Variants in TSHZ2 observed in about 807,000 individuals in gnomAD.
The protein encoded by TSHZ2 is teashirt homolog 2.
A neutral mutation model predicts 74.4 loss-of-function variants in TSHZ2; 21 were observed. The observed-to-expected ratio is 0.28, with a 90% confidence interval of 0.20 to 0.41. TSHZ2 has a LOEUF of 0.41. Ranked by LOEUF, TSHZ2 falls within the 10% of genes least tolerant of loss-of-function variation. TSHZ2 has a pLI of 1.00. For synonymous variants in TSHZ2, 540 were observed against 515.3 expected, an observed-to-expected ratio of 1.05 and a Z score of -0.65; for missense variants, 1,244 against 1,293.5, an observed-to-expected ratio of 0.96 and a Z score of 0.59.
At chr20:53,321,874 G>A (rs1600809507) in intron 2 of TSHZ2, among the ~76,000 whole-genome samples, 1 of 152,198 alleles carries the variant, frequency 6.6e-6, no homozygotes, top group African/African-American at 2.4e-5. Flanking sequence ...CTCAAGAGAA[G>A]GCACAAGCCT....
chr20:53,133,154 C>T (rs888926362), intron 1 of TSHZ2, among the ~76,000 whole-genome samples: 1 of 152,202 alleles, frequency 6.6e-6, no homozygotes, highest in Admixed American at 6.5e-5. Flanking sequence ...ACACGTTAGA[C>T]TCCAACTTGC....
At chr20:53,000,496 T>C (rs1982370123) in intron 1 of TSHZ2, among the ~76,000 whole-genome samples, 2 of 152,212 alleles carry the variant, frequency 1.3e-5, no homozygotes, top group African/African-American at 4.8e-5. Flanking sequence ...GTAAAACTAA[T>C]ATATTAAAAC....
intron 2 of TSHZ2, among the ~76,000 whole-genome samples, chr20:53,331,790 G>T (rs1979732048): frequency 6.6e-6 from 1 of 152,128 alleles, no homozygotes; most frequent in Non-Finnish European, 1.5e-5. Flanking sequence ...GCATGTGAGA[G>T]AACCACAGGG....
chr20:53,273,389 G>A (rs965047722), intron 2 of TSHZ2: 2 of 152,382 alleles, frequency 1.3e-5, no homozygotes, highest in Non-Finnish European at 2.9e-5. Context: ...TGCCTCCTGG[G>A]TTCAAGTGAT....
At chr20:53,071,632 G>A (rs983783464) in intron 1 of TSHZ2, among the ~76,000 whole-genome samples, 1 of 152,110 alleles carries the variant, frequency 6.6e-6, no homozygotes, top group African/African-American at 2.4e-5. Flanking sequence ...TCTATCTCAC[G>A]GACCTACGTG....
chr20:53,380,841 A>T (rs1490741312), intron 2 of TSHZ2, among the ~76,000 whole-genome samples: 1 of 152,222 alleles, frequency 6.6e-6, no homozygotes, highest in East Asian at 1.9e-4. Flanking sequence ...TTAAAATAAT[A>T]ACTATTATCA....
chr20:53,030,499 G>A (rs1273571737), intron 1 of TSHZ2, among the ~76,000 whole-genome samples: 4 of 152,332 alleles, frequency 2.6e-5, no homozygotes, highest in Middle Eastern at 3.4e-3. Context: ...TTAGGTTGCT[G>A]TATGGAGTCT....
intron 1 of TSHZ2, among the ~76,000 whole-genome samples, chr20:53,220,303 C>T (rs1242249134): frequency 6.6e-6 from 1 of 152,152 alleles, no homozygotes. Flanking sequence ...GGAGCTAAGT[C>T]ACATACATAC....
intron 2 of TSHZ2, among the ~76,000 whole-genome samples, chr20:53,270,194 AG>A (rs890298697): frequency 6.6e-6 from 1 of 151,942 alleles, no homozygotes; most frequent in African/African-American, 2.4e-5. Context: ...CTCTCTTCTG[AG>A]GACATCTCCC....
At chr20:53,068,647 A>G (rs1985072692) in intron 1 of TSHZ2, among the ~76,000 whole-genome samples, 1 of 152,182 alleles carries the variant, frequency 6.6e-6, no homozygotes, top group Admixed American at 6.5e-5. Context: ...AGGTCCCAGC[A>G]AGGGGTCTCT....
chr20:53,277,513 T>A (rs776735254), intron 2 of TSHZ2, among the ~76,000 whole-genome samples: 5 of 151,842 alleles, frequency 3.3e-5, no homozygotes, highest in African/African-American at 4.8e-5. Context: ...GTTGGACTCA[T>A]GCACAGAGCA....
chr20:53,198,816 G>A (rs980245476), intron 1 of TSHZ2, among the ~76,000 whole-genome samples: 1 of 152,178 alleles, frequency 6.6e-6, no homozygotes, highest in African/African-American at 2.4e-5. Flanking sequence ...CCTTGGGCAT[G>A]TTAAGGCTTG....
intron 2 of TSHZ2, among the ~76,000 whole-genome samples, chr20:53,258,791 T>G (rs1209821060): frequency 6.6e-6 from 1 of 152,216 alleles, no homozygotes; most frequent in Non-Finnish European, 1.5e-5. Flanking sequence ...TATTGGTGTT[T>G]TCATTATACA....
intron 2 of TSHZ2, chr20:53,412,876 A>T: frequency 6.6e-6 from 1 of 152,224 alleles, no homozygotes; most frequent in Admixed American, 6.5e-5. Flanking sequence ...TGTTTCTGGA[A>T]AGACCTCCGA....
At chr20:53,129,362 T>A (rs948241824) in intron 1 of TSHZ2, among the ~76,000 whole-genome samples, 1 of 152,178 alleles carries the variant, frequency 6.6e-6, no homozygotes, top group African/African-American at 2.4e-5. Context: ...GATTGGTTAC[T>A]TTTTTAAAAA....
At chr20:53,337,234 C>T (rs528375035) in intron 2 of TSHZ2, among the ~76,000 whole-genome samples, 25 of 152,340 alleles carry the variant, frequency 1.6e-4, no homozygotes, top group African/African-American at 5.8e-4. Flanking sequence ...TGAAGATAAT[C>T]TCCTTTGCTT....
chr20:53,382,755 C>T (rs886473841), intron 2 of TSHZ2, among the ~76,000 whole-genome samples: 1 of 152,176 alleles, frequency 6.6e-6, no homozygotes, highest in Admixed American at 6.5e-5. Flanking sequence ...AACTGCTGCA[C>T]ATGTGACTGC....
Position 53,142,299 on chromosome 20 carries a change from GC to G in TSHZ2, c.41-111195del, listed in dbSNP as rs142850445. On this transcript the variant is annotated intron_variant, in intron 1 of 2. Transcript: ENST00000371497. ...TAGCTACACTCTCAGATCCTGTCCT[GC>G]CCCCAGCAGCTCCACAGGGCTTCCG... 6.6e-3 allele frequency among the ~76,000 whole-genome samples: 1,006 copies of G among 152,226 alleles called. 10 individuals carry two copies. The highest frequency in any genetic ancestry group is 0.022 in the African/African-American group (930 of 41,522).
At chr20:53,189,581 T>C (rs529707171) in intron 1 of TSHZ2, among the ~76,000 whole-genome samples, 1 of 152,190 alleles carries the variant, frequency 6.6e-6, no homozygotes, top group African/African-American at 2.4e-5. Context: ...ATAAGCACCA[T>C]ATTCAGACCA....
Sources: allele counts gnomAD v4.1 joint callset (sites outside exome capture counted in the v4.1 genomes callset), GRCh38; gene constraint gnomAD v4.1.1; transcripts MANE v1.5; gene names NCBI Gene and HGNC (gene_info 2026-07-23, HGNC 2026-07-21).